Variants in RYR2 observed in about 807,000 individuals in gnomAD.
RYR2 encodes cardiac muscle ryanodine receptor-calcium release channel.
Under a neutral mutation model 601.1 loss-of-function variants are expected in RYR2, and 227 were observed. That is an observed-to-expected ratio of 0.38 (90% CI 0.34 to 0.42). The LOEUF is 0.42. Ranked by LOEUF, RYR2 falls within the 10% of genes least tolerant of loss-of-function variation. RYR2 has a pLI of 1.00. For synonymous variants in RYR2, 2,223 were observed against 2,175.1 expected (o/e 1.02, Z -0.61); for missense variants, 4,646 against 6,156.5 (o/e 0.75, Z 8.21).
chr1:237,163,596 T>G (rs889351844), intron 1 of RYR2, among the ~76,000 whole-genome samples: 1 of 152,152 alleles, frequency 6.6e-6, no homozygotes, highest in African/African-American at 2.4e-5. Flanking sequence ...TCTTATAAAG[T>G]GTTATTTACT....
chr1:237,587,152 A>G (rs1194084506), intron 29 of RYR2, among the ~76,000 whole-genome samples: 2 of 152,230 alleles, frequency 1.3e-5, no homozygotes, highest in East Asian at 3.8e-4. Flanking sequence ...TAAGTAAATG[A>G]ATGGTTGAAA....
At chr1:237,431,975 A>C (rs909346035) in intron 12 of RYR2, among the ~76,000 whole-genome samples, 3 of 152,164 alleles carry the variant, frequency 2.0e-5, no homozygotes, top group African/African-American at 4.8e-5. Flanking sequence ...ATCTTATTTT[A>C]TATTCTGTGA....
At chr1:237,412,624 C>T (rs1011779367) in intron 10 of RYR2, among the ~76,000 whole-genome samples, 1 of 152,122 alleles carries the variant, frequency 6.6e-6, no homozygotes, top group Non-Finnish European at 1.5e-5. Context: ...TGTTTTAGTA[C>T]ATTGCAAAAA....
chr1:237,755,531 G>A (rs1692877587), intron 80 of RYR2, among the ~76,000 whole-genome samples: 1 of 152,142 alleles, frequency 6.6e-6, no homozygotes, highest in African/African-American at 2.4e-5. Flanking sequence ...ATTCTCCAGT[G>A]AACTGGATTG....
chr1:237,746,563 C>G (rs1375386744), intron 80 of RYR2, among the ~76,000 whole-genome samples: 5 of 152,044 alleles, frequency 3.3e-5, no homozygotes, highest in Non-Finnish European at 7.4e-5. Context: ...TTCATATGAT[C>G]CTGTTAAATT....
intron 1 of RYR2, among the ~76,000 whole-genome samples, chr1:237,214,781 T>C (rs547281686): frequency 1.2e-4 from 19 of 152,344 alleles, no homozygotes; most frequent in African/African-American, 4.6e-4. Flanking sequence ...CCTTTGCCTT[T>C]TCATGAATGT....
chr1:237,744,556 C>T lies in RYR2; in HGVS notation c.11145+2207C>T, dbSNP rs1016136082. On this transcript the variant is annotated intron_variant, in intron 80 of 104. Coordinates refer to ENST00000366574, the MANE Select transcript of RYR2 (RefSeq NM_001035.3). ...CTGTAATCCCAGCTACTGGGGAGGC[C>T]GAGGCAGGAGAATCACTTGAACCTG... Among the ~76,000 whole-genome samples the T allele has an allele frequency of 4.6e-5, 7 of 151,660 alleles. No homozygotes were observed. In the South Asian group the frequency reaches 8.3e-4, roughly 18 times the overall value.
At chr1:237,388,892 CA>C (rs1702152311) in intron 10 of RYR2, among the ~76,000 whole-genome samples, 1 of 152,190 alleles carries the variant, frequency 6.6e-6, no homozygotes, top group African/African-American at 2.4e-5. Flanking sequence ...TTTTAGTGGA[CA>C]TTTTTCATAT....
chr1:237,783,595 A>T (rs1695303187), intron 89 of RYR2, 80 bp from the exon 90 acceptor site: 2 of 804,530 alleles, frequency 2.5e-6, no homozygotes, highest in Non-Finnish European at 4.0e-6. Flanking sequence ...AGATGTTATT[A>T]AAGATCTACA....
intron 76 of RYR2, among the ~76,000 whole-genome samples, chr1:237,729,553 C>A (rs145723474): frequency 0.01 from 1,567 of 152,308 alleles, 16 homozygotes; most frequent in Middle Eastern, 0.02. Flanking sequence ...TGCAATGGCA[C>A]CGTCTCTCAT....
chr1:237,782,197 T>TTTC (rs397983400), intron 89 of RYR2, among the ~76,000 whole-genome samples: 3 of 135,970 alleles, frequency 2.2e-5, no homozygotes, highest in African/African-American at 6.3e-5. Context: ...TTTTTTTTTT[T>TTTC]CCTGTAGCAG....
At chr1:237,599,282 G>A (rs905675684) in intron 34 of RYR2, among the ~76,000 whole-genome samples, 1 of 152,008 alleles carries the variant, frequency 6.6e-6, no homozygotes. Flanking sequence ...AGAGAATTTG[G>A]CAAGAAAAAG....
intron 8 of RYR2, among the ~76,000 whole-genome samples, chr1:237,385,046 T>C (rs1039017396): frequency 3.9e-5 from 6 of 152,044 alleles, no homozygotes; most frequent in East Asian, 3.9e-4. Context: ...CCTGCCACCA[T>C]GCCTGGCTAA....
chr1:237,794,692 T>C (rs1658882882), intron 95 of RYR2, among the ~76,000 whole-genome samples: 1 of 152,224 alleles, frequency 6.6e-6, no homozygotes, highest in African/African-American at 2.4e-5. Flanking sequence ...AATTAAAAAG[T>C]CATTTGCTAA....
intron 71 of RYR2, among the ~76,000 whole-genome samples, chr1:237,715,039 AT>A (rs1396070764): frequency 1.4e-5 from 2 of 139,006 alleles, no homozygotes; most frequent in Non-Finnish European, 3.1e-5. Flanking sequence ...CAGGTGATTG[AT>A]TTAAGAAAGG....
At chr1:237,483,436 G>A (rs1325215487) in intron 17 of RYR2, among the ~76,000 whole-genome samples, 2 of 152,122 alleles carry the variant, frequency 1.3e-5, no homozygotes, top group Non-Finnish European at 2.9e-5. Flanking sequence ...TTTCATAGAG[G>A]TGGACACTGG....
intron 100 of RYR2, among the ~76,000 whole-genome samples, chr1:237,818,098 G>A (rs1441236333): frequency 6.6e-6 from 1 of 152,136 alleles, no homozygotes; most frequent in Non-Finnish European, 1.5e-5. Flanking sequence ...AAAGCTGAGT[G>A]TGGCTAAATT....
intron 63 of RYR2, among the ~76,000 whole-genome samples, chr1:237,697,262 C>G (rs1687538566): frequency 6.7e-6 from 1 of 149,706 alleles, no homozygotes; most frequent in Admixed American, 6.8e-5. Flanking sequence ...TCAAATGCCG[C>G]CTCCAGGAAG....
rs144561197 is a variant in RYR2 at position 237,585,244 on chromosome 1, G to A, written c.3599-4549G>A. 2.6e-4 allele frequency among the ~76,000 whole-genome samples: 39 copies of A among 152,254 alleles called. No homozygotes were observed. The East Asian group carries it at 7.3e-3, about 29-fold the overall frequency. On this transcript the variant is annotated intron_variant, in intron 29 of 104. Coordinates refer to ENST00000366574, the MANE Select transcript of RYR2 (RefSeq NM_001035.3). ...TGGGCATTGGGATCCACCAGACTTGGATTTATTTTCTGGTCACTTAGTAGC... is the reference window on the plus strand; with the variant it reads ...TGGGCATTGGGATCCACCAGACTTGAATTTATTTTCTGGTCACTTAGTAGC...
Sources: allele counts gnomAD v4.1 joint callset (sites outside exome capture counted in the v4.1 genomes callset), GRCh38; gene constraint gnomAD v4.1.1; transcripts MANE v1.5; gene names NCBI Gene and HGNC (gene_info 2026-07-23, HGNC 2026-07-21).